Variants in TRIM24 observed in about 807,000 individuals in gnomAD.
TRIM24 encodes transcription intermediary factor 1-alpha.
Under a neutral mutation model 123.9 loss-of-function variants are expected in TRIM24, and 29 were observed. The ratio of observed to expected loss-of-function variants is 0.23; its 90% CI spans 0.17 to 0.32. TRIM24 has a LOEUF of 0.32. TRIM24 is among the 10% of genes least tolerant of loss of function. The probability of loss-of-function intolerance (pLI) is 1.00; values close to 1 mark genes in which losing one functional copy is unlikely to be tolerated. For missense variants in TRIM24, 932 were observed against 1,295.3 expected (o/e 0.72, Z 4.31); for synonymous variants, 456 against 461.1 (o/e 0.99, Z 0.14).
In TRIM24 at chr7:138,554,416, A is replaced by G. The variant is rs566139502; in HGVS notation, c.1262-282A>G. On this transcript the variant is annotated intron_variant, in intron 8 of 18. Coordinates refer to ENST00000343526, the MANE Select transcript of TRIM24 (RefSeq NM_015905.3). The surrounding 1 kb of genome is among the most constrained non-coding windows in gnomAD (Gnocchi z 4.5). ...AAATATCAAAAAATGTTTACCAAATATTTTACAATATAGTTTTATAAAAGC... is the reference window on the plus strand; with the variant it reads ...AAATATCAAAAAATGTTTACCAAATGTTTTACAATATAGTTTTATAAAAGC... 1.3e-5 allele frequency among the ~76,000 whole-genome samples: 2 copies of G among 152,218 alleles called. No homozygotes were observed. The highest frequency in any genetic ancestry group is 2.4e-5 in the African/African-American group (1 of 41,464).
chr7:138,485,715 C>A (rs189550454), intron 1 of TRIM24, among the ~76,000 whole-genome samples: 66 of 152,300 alleles, frequency 4.3e-4, no homozygotes, highest in Admixed American at 8.5e-4. Flanking sequence ...TGTATATGCG[C>A]CACATTTTCT....
chr7:138,586,988 A>T lies in TRIM24; in HGVS notation c.*2037A>T, dbSNP rs1158490270. On this transcript the variant is annotated 3_prime_UTR_variant, in exon 19 of 19. Coordinates refer to ENST00000343526, the MANE Select transcript of TRIM24 (RefSeq NM_015905.3). ...TTCAAAACAGTATTTGTTTCACCCT[A>T]ACCATCTTTGGCTGAATGAAAGGCA... 1 of 152,184 alleles carries T rather than the reference A, an allele frequency of 6.6e-6. No individual in the cohort carries two copies. The highest frequency in any genetic ancestry group is 2.4e-5 in the African/African-American group (1 of 41,434). 9.4% of individuals were successfully genotyped at this position (152,184 alleles called of 1,614,324 possible). A position where few individuals can be genotyped will look rare whatever the true frequency, so the allele number is the denominator to read the frequency against.
intron 1 of TRIM24, among the ~76,000 whole-genome samples, chr7:138,494,654 C>A (rs1222762775): frequency 6.6e-6 from 1 of 152,048 alleles, no homozygotes; most frequent in Non-Finnish European, 1.5e-5. Context: ...TAAAACTATA[C>A]CAATATAGCT....
chr7:138,495,309 A>G (rs1795879071), intron 1 of TRIM24, among the ~76,000 whole-genome samples: 1 of 152,222 alleles, frequency 6.6e-6, no homozygotes, highest in Admixed American at 6.5e-5. Context: ...TAGTGAACCT[A>G]CAAAATGTAT....
intron 10 of TRIM24, among the ~76,000 whole-genome samples, chr7:138,568,379 C>CTTTTTTTTTTTTTTTTTTTTTTTTTTT (rs60386130): frequency 1.5e-5 from 1 of 68,704 alleles, no homozygotes; most frequent in Admixed American, 2.5e-4. Context: ...ACCTGGCCTC[C>CTTTTTTTTTTTTTTTTTTTTTTTTTTT]TTTTTTTTTT....
chr7:138,533,853 T>C (rs545906688), intron 6 of TRIM24, among the ~76,000 whole-genome samples: 4 of 152,296 alleles, frequency 2.6e-5, no homozygotes, highest in South Asian at 4.1e-4. Flanking sequence ...CCTAGACTTT[T>C]TTTGGTTGGT....
chr7:138,580,557 A>G lies in TRIM24; in HGVS notation c.2586-5A>G, dbSNP rs759290192. ...GGAATTCAAAAGTACATTGTCCCCT[A>G]ACAGTGGAGAGTGGATTTGCACTTT... On this transcript the variant is annotated splice_region_variant and splice_polypyrimidine_tract_variant and intron_variant, in intron 15 of 18. Transcript: ENST00000343526. The G allele has an allele frequency of 6.2e-7, 1 of 1,610,004 alleles. No individual in the cohort carries two copies. The highest frequency in any genetic ancestry group is 8.5e-7 in the Non-Finnish European group (1 of 1,178,072).
chr7:138,534,779 C>G (rs907290294), intron 6 of TRIM24, among the ~76,000 whole-genome samples: 1 of 152,126 alleles, frequency 6.6e-6, no homozygotes, highest in African/African-American at 2.4e-5. Flanking sequence ...TGTTAACTTT[C>G]TGTCTTGTTG....
intron 10 of TRIM24, among the ~76,000 whole-genome samples, chr7:138,569,448 T>C (rs1797608063): frequency 6.6e-6 from 1 of 152,236 alleles, no homozygotes; most frequent in Non-Finnish European, 1.5e-5. Flanking sequence ...GAAAATGCAG[T>C]AATCTAGATA....
chr7:138,558,061 G>A (rs769203653), intron 9 of TRIM24, among the ~76,000 whole-genome samples: 1 of 152,056 alleles, frequency 6.6e-6, no homozygotes, highest in Non-Finnish European at 1.5e-5. Context: ...AGAGGGATTA[G>A]GCAGAAGGAT....
At chr7:138,564,399 G>C (rs1181105806) in intron 9 of TRIM24, among the ~76,000 whole-genome samples, 3 of 152,192 alleles carry the variant, frequency 2.0e-5, no homozygotes, top group Non-Finnish European at 4.4e-5. Context: ...GGGGCCGTTG[G>C]CCTCAGTAAA....
At chr7:138,486,388 G>C (rs1795647677) in intron 1 of TRIM24, among the ~76,000 whole-genome samples, 1 of 149,704 alleles carries the variant, frequency 6.7e-6, no homozygotes, top group African/African-American at 2.5e-5. Flanking sequence ...TGCTTTTGGT[G>C]TTTTAGTCAT....
At chr7:138,547,487 C>T (rs1257516232) in intron 7 of TRIM24, among the ~76,000 whole-genome samples, 1 of 152,106 alleles carries the variant, frequency 6.6e-6, no homozygotes, top group African/African-American at 2.4e-5. Flanking sequence ...ATGCTGTACA[C>T]AGAAACATAT....
intron 1 of TRIM24, among the ~76,000 whole-genome samples, chr7:138,462,682 A>T (rs1318812776): frequency 6.6e-6 from 1 of 151,808 alleles, no homozygotes; most frequent in Non-Finnish European, 1.5e-5. Context: ...TCCTGTGAGT[A>T]AAAAACAAAC....
At chr7:138,550,833 A>G (rs557990824) in intron 7 of TRIM24, among the ~76,000 whole-genome samples, 3 of 152,354 alleles carry the variant, frequency 2.0e-5, no homozygotes, top group African/African-American at 7.2e-5. Context: ...TAATAATTCA[A>G]AAAACTGACT....
In TRIM24 at chr7:138,460,616, C is replaced by G. The variant is rs1794937673; in HGVS notation, c.68C>G (p.Pro23Arg). The change falls in exon 1 of 19, where the codon CCC (proline) becomes CGC (arginine). Residue 23 changes from proline to arginine, a missense_variant. Around this residue, in one of 7 missense-constraint regions of TRIM24, gnomAD observed 164 missense variants for 181.9 expected, o/e 0.90. Coordinates refer to ENST00000343526, the MANE Select transcript of TRIM24 (RefSeq NM_015905.3). ...GCCTCGGCTGCGGCCTCCGGGGGGC[C>G]CTCGGCGGCGCCGAGCGGGGAGAAC... is the stretch of plus-strand genomic sequence containing the variant. ...AAASAAASGG[P>R]SAAPSGENEA... The G allele has an allele frequency of 7.2e-7, 1 of 1,385,044 alleles. No homozygotes were observed. Among genetic ancestry groups the G allele is most frequent in the Admixed American group, 3.3e-5 (1 of 30,506 alleles). The allele number at this position is 1,385,044 out of a possible 1,614,324, so 85.8% of individuals were successfully genotyped here.
chr7:138,529,307 G>T, intron 6 of TRIM24, 77 bp downstream of exon 6: 2 of 732,382 alleles, frequency 2.7e-6, no homozygotes, highest in South Asian at 3.5e-5. Context: ...AAATCATAGT[G>T]CTTTTTATAT....
intron 1 of TRIM24, among the ~76,000 whole-genome samples, chr7:138,501,875 A>G (rs1260760768): frequency 4.6e-5 from 7 of 151,118 alleles, no homozygotes; most frequent in African/African-American, 1.7e-4. Flanking sequence ...GAGACAGGGC[A>G]AGACTCCGTC....
chr7:138,464,239 G>A (rs1052198467), intron 1 of TRIM24, among the ~76,000 whole-genome samples: 2 of 151,476 alleles, frequency 1.3e-5, no homozygotes, highest in African/African-American at 4.9e-5. Context: ...CTTGTGATCC[G>A]CCTGCCTTGG....
Sources: gnomAD v4.1 joint callset for allele counts (sites outside exome capture counted in the v4.1 genomes callset) on GRCh38, gnomAD v4.1.1 for gene constraint, gnomAD v4.1.1 regional missense constraint, Gnocchi (gnomAD v3.1) non-coding constraint, MANE v1.5 for transcripts, NCBI Gene and HGNC (gene_info 2026-07-23, HGNC 2026-07-21) for gene names.